CFAP47: variants seen among roughly 807,000 people sequenced by gnomAD.
CFAP47 encodes the protein cilia and flagella associated protein 47.
Under a neutral mutation model 148.1 loss-of-function variants are expected in CFAP47, and 29 were observed. That is an observed-to-expected ratio of 0.20 (90% CI 0.15 to 0.27). CFAP47 has a LOEUF of 0.27. CFAP47 is among the 10% of genes least tolerant of loss of function. The pLI, the probability that CFAP47 is intolerant of heterozygous loss-of-function variation, is 1.00. For missense variants in CFAP47, 1,872 were observed against 1,697.5 expected (o/e 1.10, Z -1.81); for synonymous variants, 664 against 577.3 (o/e 1.15, Z -2.15).
chrX:36,308,514 A>G (rs906917601), intron 55 of CFAP47, among the ~76,000 whole-genome samples: 1 of 111,776 alleles, frequency 8.9e-6, no homozygotes. Context: ...AGTTCATCAT[A>G]AAGTATTAAT....
intron 17 of CFAP47, among the ~76,000 whole-genome samples, chrX:35,992,987 G>A: frequency 9.0e-6 from 1 of 111,202 alleles, no homozygotes; most frequent in Non-Finnish European, 1.9e-5. Context: ...CAAAGGTTCT[G>A]TTTTCTTGGA....
chrX:36,312,633 A>G (rs1390742664), intron 56 of CFAP47, among the ~76,000 whole-genome samples: 1 of 111,934 alleles, frequency 8.9e-6, no homozygotes, highest in Non-Finnish European at 1.9e-5. Context: ...ACAAATTTGG[A>G]TTAAGATTTT....
intron 49 of CFAP47, among the ~76,000 whole-genome samples, chrX:36,279,542 G>A: frequency 9.0e-6 from 1 of 111,535 alleles, no homozygotes; most frequent in African/African-American, 3.3e-5. Flanking sequence ...TGTGTGCAAA[G>A]GTTTGTTTAT....
intron 3 of CFAP47, among the ~76,000 whole-genome samples, chrX:35,941,977 C>A (rs1936015829): frequency 9.1e-6 from 1 of 109,759 alleles, no homozygotes; most frequent in Admixed American, 9.8e-5. Flanking sequence ...TAATTATTTC[C>A]AGGGATTCTT....
intron 36 of CFAP47, among the ~76,000 whole-genome samples, chrX:36,145,946 C>G (rs1939227225): frequency 9.1e-6 from 1 of 109,983 alleles, no homozygotes; most frequent in African/African-American, 3.3e-5. Flanking sequence ...AAAAGAAAGC[C>G]TCCTCTTCTT....
chrX:36,076,855 A>G (rs1489470166), intron 29 of CFAP47, among the ~76,000 whole-genome samples: 1 of 111,660 alleles, frequency 9.0e-6, no homozygotes, highest in Non-Finnish European at 1.9e-5. Context: ...TTCCTCTAGA[A>G]TTCTTATAGA....
intron 46 of CFAP47, among the ~76,000 whole-genome samples, chrX:36,232,887 A>T (rs782271094): frequency 8.9e-6 from 1 of 112,234 alleles, no homozygotes; most frequent in Admixed American, 9.4e-5. Flanking sequence ...GTAGTCATTC[A>T]GGAGCAGGTT....
chrX:36,099,942 A>C, intron 32 of CFAP47, 63 bp downstream of exon 32: 1 of 579,989 alleles, frequency 1.7e-6, no homozygotes. Context: ...TGTTAATTAA[A>C]GTATAGACAA....
intron 57 of CFAP47, among the ~76,000 whole-genome samples, chrX:36,325,181 G>A (rs782415363): frequency 9.0e-6 from 1 of 111,565 alleles, no homozygotes; most frequent in Non-Finnish European, 1.9e-5. Context: ...AATGGAAAAC[G>A]GTGTCATTTA....
intron 61 of CFAP47, among the ~76,000 whole-genome samples, chrX:36,363,241 A>AT (rs782359111): frequency 1.4e-3 from 154 of 111,698 alleles, no homozygotes; most frequent in African/African-American, 4.9e-3. Context: ...AACAACAAAG[A>AT]TATGTTCTGA....
intron 23 of CFAP47, among the ~76,000 whole-genome samples, chrX:36,034,978 C>T (rs1482801455): frequency 9.1e-6 from 1 of 110,144 alleles, no homozygotes; most frequent in East Asian, 2.8e-4. Context: ...GTCCCTCTCT[C>T]TCTATATATA....
chrX:36,285,834 T>C, intron 51 of CFAP47, 108 bp downstream of exon 51: 1 of 554,899 alleles, frequency 1.8e-6, no homozygotes, highest in South Asian at 3.8e-5. Flanking sequence ...ATCAGATGAT[T>C]GTATTAAGAT....
chrX:36,356,441 A>T (rs1202911390), intron 60 of CFAP47, among the ~76,000 whole-genome samples: 3 of 111,193 alleles, frequency 2.7e-5, no homozygotes, highest in South Asian at 3.8e-4. Flanking sequence ...CTAAATATTT[A>T]AAAAAAGGAA....
intron 49 of CFAP47, among the ~76,000 whole-genome samples, chrX:36,261,927 G>A (rs991759181): frequency 4.5e-5 from 5 of 110,934 alleles, no homozygotes; most frequent in East Asian, 2.9e-4. Flanking sequence ...CCCACCTCCC[G>A]GACGGGTCGG....
intron 2 of CFAP47, among the ~76,000 whole-genome samples, chrX:35,931,093 C>T (rs2146619920): frequency 9.0e-6 from 1 of 111,321 alleles, no homozygotes; most frequent in African/African-American, 3.3e-5. Context: ...ACTGCTTTAG[C>T]TGTGTCCTAC....
intron 62 of CFAP47, among the ~76,000 whole-genome samples, chrX:36,377,735 A>T (rs1322856675): frequency 8.9e-6 from 1 of 111,988 alleles, no homozygotes; most frequent in African/African-American, 3.2e-5. Flanking sequence ...TGTATCATTC[A>T]TCATAGCCTA....
At position 36,326,617 on chromosome X, in the gene CFAP47, T is replaced by C. The variant is rs782719816; in HGVS notation, c.8443+7310T>C. Among the ~76,000 whole-genome samples, 29 of 112,047 alleles carry C rather than the reference T, an allele frequency of 2.6e-4. No homozygotes were observed. The South Asian group carries it at 0.01, about 40-fold the overall frequency. On this transcript the variant is annotated intron_variant, in intron 57 of 63. Coordinates refer to ENST00000378653, the MANE Select transcript of CFAP47 (RefSeq NM_001304548.2). The stretch of plus-strand genomic sequence containing the variant: ...TCTTGCTATGCTTTAGCAAAGAGAC[T>C]GGCGGCATTTTGCCCCTGCCCTAGA...
Position 35,975,293 on chromosome X carries a change from G to C in CFAP47, c.2401G>C (p.Val801Leu), listed in dbSNP as rs140236570. ...TCAGAAGACCAACCAATTTTCATAC[G>C]TGATTCTACCTACATCCAGTACTTA... is the stretch of plus-strand genomic sequence containing the variant. Reference protein sequence around the residue: ...ELQKTNQFSYVILPTSSTYIS... With the variant: ...ELQKTNQFSYLILPTSSTYIS... Residue 801 changes from valine (V) to leucine (L), a missense_variant, in exon 14 of 64, where the codon GTG becomes CTG. Val to Leu is a conservative substitution (Grantham distance 32, BLOSUM62 1). Coordinates refer to ENST00000378653, the MANE Select transcript of CFAP47 (RefSeq NM_001304548.2). 71 of 1,205,845 alleles carry C rather than the reference G, an allele frequency of 5.9e-5. No individual in the cohort carries two copies. The highest frequency in any genetic ancestry group is 2.4e-5 in the Non-Finnish European group (21 of 892,592).
In CFAP47 at chrX:35,991,888, C is replaced by G; in HGVS notation, c.2912C>G (p.Thr971Arg). 3 of 296,521 alleles carry G rather than the reference C, an allele frequency of 1.0e-5. No individual in the cohort carries two copies. Among genetic ancestry groups the G allele is most frequent in the Non-Finnish European group, 1.8e-5 (3 of 169,441 alleles). 24.4% of individuals were successfully genotyped at this position (296,521 alleles called of 1,213,427 possible). A position where few individuals can be genotyped will look rare whatever the true frequency, so the allele number is the denominator to read the frequency against. The change falls in exon 17 of 64, where the codon ACA becomes AGA. Residue 971 changes from threonine (T) to arginine (R), a missense_variant. By Grantham distance (71) the Thr-to-Arg change is moderately conservative. Coordinates refer to ENST00000378653, the MANE Select transcript of CFAP47 (RefSeq NM_001304548.2). ...ILFSNCPQGL[T>R]TWRKAILQNV... Reference sequence around the variant, plus strand: ...TTTAGTAATTGCCCTCAAGGTTTAACAACTTGGAGGAAAGCCATTCTTCAA... The same window carrying G: ...TTTAGTAATTGCCCTCAAGGTTTAAGAACTTGGAGGAAAGCCATTCTTCAA...
Sources: allele counts gnomAD v4.1 joint callset (sites outside exome capture counted in the v4.1 genomes callset), GRCh38; gene constraint gnomAD v4.1.1; transcripts MANE v1.5; gene names NCBI Gene and HGNC (gene_info 2026-07-23, HGNC 2026-07-21).